The following CFAP65 variants were observed in gnomAD, a reference collection of about 807,000 sequenced individuals.
The protein encoded by CFAP65 is cilia- and flagella-associated protein 65.
In CFAP65, 155 loss-of-function variants were observed where a neutral mutation model predicts 208.0. That is an observed-to-expected ratio of 0.75 (90% CI 0.65 to 0.85). The LOEUF is 0.85. Ranked by LOEUF, CFAP65 falls within the 40% of genes least tolerant of loss-of-function variation. CFAP65 has a pLI of 0.00. For missense variants in CFAP65, 2,294 were observed against 2,451.3 expected (o/e 0.94, Z 1.36); for synonymous variants, 970 against 986.3 (o/e 0.98, Z 0.31).
intron 29 of CFAP65, among the ~76,000 whole-genome samples, chr2:219,006,791 G>A (rs1194723333): frequency 2.1e-5 from 3 of 146,238 alleles, no homozygotes; most frequent in African/African-American, 5.2e-5. Flanking sequence ...CCAAGATGGC[G>A]CCACTGCACT....
chr2:219,029,308 C>A, intron 11 of CFAP65, 95 bp downstream of exon 11: 1 of 1,478,140 alleles, frequency 6.8e-7, no homozygotes, highest in East Asian at 2.3e-5. Flanking sequence ...CTAGAAGTTC[C>A]AGAATACAGG....
At chr2:219,029,322 G>A (rs1947858635) in intron 11 of CFAP65, 81 bp downstream of exon 11, 2 of 1,519,822 alleles carry the variant, frequency 1.3e-6, no homozygotes, top group Non-Finnish European at 1.8e-6. Flanking sequence ...ATACAGGGAA[G>A]TGCCCACCAA....
At chr2:219,005,350 G>A (rs1392663653) in intron 32 of CFAP65, 84 bp downstream of exon 32, 7 of 1,539,880 alleles carry the variant, frequency 4.5e-6, no homozygotes, top group Middle Eastern at 1.7e-4. Flanking sequence ...AAGAAAGGAA[G>A]AGTGCTGGAA....
intron 5 of CFAP65, chr2:219,033,630 A>G (rs1206926788): frequency 6.6e-6 from 1 of 152,250 alleles, no homozygotes; most frequent in East Asian, 1.9e-4. Flanking sequence ...GAATATTCCC[A>G]TAATCTGACA....
Position 219,028,365 on chromosome 2 carries a change from A to T in CFAP65, c.1687T>A (p.Ser563Thr). 1 of 1,602,210 alleles carries T rather than the reference A, an allele frequency of 6.2e-7. No homozygotes were observed. The highest frequency in any genetic ancestry group is 8.5e-7 in the Non-Finnish European group (1 of 1,174,488). ...AGGATGGCTGGCTTGGTGCTGTCCG[A>T]GTGGCAGGTCCCCATCAGGTCCAGG... The part of the protein sequence containing the change: ...LFLDLMGTCH[S>T]DSTKPAILKP... The change falls in exon 12 of 35, where the codon TCG (serine) becomes ACG (threonine). Residue 563 changes from serine (S) to threonine (T), a missense_variant. Ser to Thr is a moderately conservative substitution (Grantham distance 58, BLOSUM62 1). Transcript: ENST00000341552.
At chr2:219,009,706 T>G (rs1574532281) in intron 27 of CFAP65, among the ~76,000 whole-genome samples, 5 of 42,138 alleles carry the variant, frequency 1.2e-4, no homozygotes, top group Admixed American at 2.4e-4. Flanking sequence ...TGGGATGGAG[T>G]GGGGTGGGAT....
chr2:219,036,152 T>C (rs1008008153), intron 4 of CFAP65, among the ~76,000 whole-genome samples: 2 of 152,170 alleles, frequency 1.3e-5, no homozygotes, highest in African/African-American at 4.8e-5. Flanking sequence ...CATTCCTCAA[T>C]TGGCTGGTGG....
intron 31 of CFAP65, 72 bp downstream of exon 31, chr2:219,005,949 C>T (rs1420449091): frequency 6.8e-7 from 1 of 1,479,484 alleles, no homozygotes; most frequent in Non-Finnish European, 9.3e-7. Flanking sequence ...TGGGTCTGGG[C>T]AGCCCCTGCT....
At chr2:219,018,957 AGGCCACCACG>A in intron 21 of CFAP65, 84 bp downstream of exon 21, 1 of 1,541,732 alleles carries the variant, frequency 6.5e-7, no homozygotes, top group Non-Finnish European at 8.9e-7. Context: ...GCAAGCAGCC[AGGCCACCACG>A]GGCAAGAGAG....
At chr2:219,014,287 G>A in intron 21 of CFAP65, 1 of 369,250 alleles carries the variant, frequency 2.7e-6, no homozygotes, top group Non-Finnish European at 4.9e-6. Flanking sequence ...GAAGAGTGGG[G>A]CTCCCACTGT....
At position 219,038,414 on chromosome 2, in the gene CFAP65, G is replaced by C. The variant is rs369014926; in HGVS notation, c.318C>G (p.Ser106Arg). The C allele has an allele frequency of 1.2e-6, 2 of 1,613,536 alleles. No homozygotes were observed. Among genetic ancestry groups the C allele is most frequent in the African/African-American group, 2.7e-5 (2 of 74,896 alleles). Reference sequence around the variant, plus strand: ...TGCTGCAGGCACTCATGGCTGCACTGCTGTCGTTGATGGCAGGGATGGCCA... The same window carrying C: ...TGCTGCAGGCACTCATGGCTGCACTCCTGTCGTTGATGGCAGGGATGGCCA... The part of the protein sequence containing the change: ...STVAIPAIND[S>R]SAAMSACSTI... Residue 106 changes from serine to arginine, a missense_variant, in exon 4 of 35, where the codon AGC (serine) becomes AGG (arginine). Around this residue, in one of 2 missense-constraint regions of CFAP65, gnomAD observed 867 missense variants for 1,012.6 expected, o/e 0.86. Transcript: ENST00000341552.
At position 219,003,420 on chromosome 2, in the gene CFAP65, T is replaced by G; in HGVS notation, c.5556-148A>C. On this transcript the variant is annotated intron_variant, in intron 33 of 34. Coordinates refer to ENST00000341552, the MANE Select transcript of CFAP65 (RefSeq NM_194302.4). The surrounding 1 kb of genome is among the most constrained non-coding windows in gnomAD (Gnocchi z 4.4). ...CACTACACTATGGGGCATTCTTGTT[T>G]CAATGTTACGGACGTTCCAAGTGTG... is the stretch of plus-strand genomic sequence containing the variant. The G allele has an allele frequency of 9.3e-7, 1 of 1,078,834 alleles. No homozygotes were observed. Among genetic ancestry groups the G allele is most frequent in the Non-Finnish European group, 1.3e-6 (1 of 784,792 alleles). The allele number at this position is 1,078,834 out of a possible 1,614,324, so 66.8% of individuals were successfully genotyped here.
intron 11 of CFAP65, 148 bp from the exon 12 acceptor site, chr2:219,028,549 A>C: frequency 1.4e-6 from 1 of 697,312 alleles, no homozygotes; most frequent in Non-Finnish European, 2.5e-6. Context: ...GCAAGCACTC[A>C]GCAGTGGTCT....
chr2:219,029,409 G>T lies in CFAP65; in HGVS notation c.1644C>A (p.His548Gln). ...TGCCCTCCCCACGACTCACCTGGTG[G>T]TGGATGAGACAGGCCACACGCCGAA... ...ICFRRVACLIHHQDPLFLDLM... is the reference protein window; with the variant it reads ...ICFRRVACLIQHQDPLFLDLM... Residue 548 changes from histidine to glutamine, a missense_variant, in exon 11 of 35, where the codon CAC (histidine) becomes CAA (glutamine). His to Gln is a conservative substitution (Grantham distance 24). Around this residue, in one of 2 missense-constraint regions of CFAP65, gnomAD observed 867 missense variants for 1,012.6 expected, o/e 0.86. Transcript: ENST00000341552. 1 of 1,612,334 alleles carries T rather than the reference G, an allele frequency of 6.2e-7. No individual in the cohort carries two copies. Among genetic ancestry groups the T allele is most frequent in the South Asian group, 1.1e-5 (1 of 90,976 alleles).
chr2:219,021,148 G>T lies in CFAP65; in HGVS notation c.3259+4C>A, dbSNP rs751205517. 12 of 1,549,988 alleles carry T rather than the reference G, an allele frequency of 7.7e-6. No individual in the cohort carries two copies. The highest frequency in any genetic ancestry group is 1.0e-5 in the Non-Finnish European group (12 of 1,145,370). Reference sequence around the variant, plus strand: ...CGACTCTCTATGCCAGGCAGTCTAGGTACCTCTGTGGGAAAGGAGAGAGTA... The same window carrying T: ...CGACTCTCTATGCCAGGCAGTCTAGTTACCTCTGTGGGAAAGGAGAGAGTA... On this transcript the variant is annotated splice_donor_region_variant and intron_variant, in intron 19 of 34. Transcript: ENST00000341552.
rs748380747 is a variant in CFAP65 at position 219,004,205 on chromosome 2, C to A, written c.5302G>T (p.Gly1768Cys). 3 of 1,613,980 alleles carry A rather than the reference C, an allele frequency of 1.9e-6. No homozygotes were observed. The East Asian group carries it at 6.7e-5, about 36-fold the overall frequency. The change falls in exon 33 of 35, where the codon GGT becomes TGT. Residue 1768 changes from glycine (G) to cysteine (C), a missense_variant. By Grantham distance (159) the Gly-to-Cys change is radical. Around this residue, in one of 2 missense-constraint regions of CFAP65, gnomAD observed 1,427 missense variants for 1,438.7 expected, o/e 0.99. Coordinates refer to ENST00000341552, the MANE Select transcript of CFAP65 (RefSeq NM_194302.4). The surrounding 1 kb of genome is among the most constrained non-coding windows in gnomAD (Gnocchi z 4.7). Reference sequence around the variant, plus strand: ...TCCAACTCTTCTTCTTCCTCTTCACCCTTCTCCTCCTCCCCCTCTTCCTTC... The same window carrying A: ...TCCAACTCTTCTTCTTCCTCTTCACACTTCTCCTCCTCCCCCTCTTCCTTC... ...GKKEEGEEEK[G>C]EEEEEELEEE...
In CFAP65 at chr2:219,003,974, C is replaced by T; in HGVS notation, c.5533G>A (p.Asp1845Asn). 1 of 1,613,512 alleles carries T rather than the reference C, an allele frequency of 6.2e-7. No homozygotes were observed. The highest frequency in any genetic ancestry group is 8.5e-7 in the Non-Finnish European group (1 of 1,179,654). ...CACCTTCTGATGGCCTCCTTCTCGT[C>T]CTGTTCTTGCTCCTCCTTCACCATG... ...NVMVKEEQEQ[D>N]EKEAIRRLPA... Residue 1845 changes from aspartate to asparagine, a missense_variant, in exon 33 of 35, where the codon GAC becomes AAC. Coordinates refer to ENST00000341552, the MANE Select transcript of CFAP65 (RefSeq NM_194302.4). The surrounding 1 kb of genome is among the most constrained non-coding windows in gnomAD (Gnocchi z 4.4).
chr2:219,029,716 A>T (rs750753626), intron 10 of CFAP65, 48 bp from the exon 11 acceptor site: 12 of 1,589,286 alleles, frequency 7.6e-6, no homozygotes, highest in South Asian at 1.2e-5. Context: ...TATCTTAGAC[A>T]AAGTTCCACT....
intron 21 of CFAP65, among the ~76,000 whole-genome samples, chr2:219,017,079 A>G (rs1330408801): frequency 1.3e-5 from 2 of 152,196 alleles, no homozygotes; most frequent in African/African-American, 2.4e-5. Flanking sequence ...ATGACCCCGC[A>G]ACAGGAGGCT....
Sources: allele counts gnomAD v4.1 joint callset (sites outside exome capture counted in the v4.1 genomes callset), GRCh38; gene constraint gnomAD v4.1.1; regional missense constraint gnomAD v4.1.1; non-coding constraint Gnocchi (gnomAD v3.1); transcripts MANE v1.5; gene names NCBI Gene and HGNC (gene_info 2026-07-23, HGNC 2026-07-21).